The following MYRIP variants were observed in gnomAD, a reference collection of about 807,000 sequenced individuals.
The protein encoded by MYRIP is rab effector MyRIP.
A neutral mutation model predicts 98.0 loss-of-function variants in MYRIP; 49 were observed. That is an observed-to-expected ratio of 0.50 (90% confidence interval 0.40 to 0.63). The LOEUF is 0.63. Among genes scored for constraint, MYRIP ranks in the 30% least tolerant of loss-of-function variants. MYRIP has a pLI of 0.00. For missense variants in MYRIP, 1,004 were observed against 1,058.2 expected (o/e 0.95, Z 0.71); for synonymous variants, 404 against 409.5 (o/e 0.99, Z 0.16).
rs531556365 is a variant in MYRIP, at chr3:40,244,684, A to G, written c.2262+77A>G. ...CCCCATGTTCTACAAGAATCACTTT[A>G]AAGCCATTGTATCTATCAGCTCCCA... On this transcript the variant is annotated intron_variant, in intron 13 of 16. Transcript: ENST00000302541. 17 of 1,452,638 alleles carry G rather than the reference A, an allele frequency of 1.2e-5. No homozygotes were observed. The South Asian group carries it at 2.5e-4, about 21-fold the overall frequency. The allele number at this position is 1,452,638 out of a possible 1,614,324, so 90.0% of individuals were successfully genotyped here. A position where few individuals can be genotyped will look rare whatever the true frequency, so the allele number is the denominator to read the frequency against.
chr3:39,972,910 A>T (rs1351162537), intron 2 of MYRIP, among the ~76,000 whole-genome samples: 1 of 152,034 alleles, frequency 6.6e-6, no homozygotes, highest in Non-Finnish European at 1.5e-5. Flanking sequence ...CTGATGAGTA[A>T]TGTGACTCTT....
intron 1 of MYRIP, among the ~76,000 whole-genome samples, chr3:39,824,266 A>AT (rs1941201592): frequency 6.6e-6 from 1 of 152,032 alleles, no homozygotes; most frequent in Admixed American, 6.6e-5. Flanking sequence ...TTTGCAGTAT[A>AT]TTTTTAAGTC....
chr3:40,160,320 A>C (rs1950356444), intron 4 of MYRIP, among the ~76,000 whole-genome samples: 1 of 152,250 alleles, frequency 6.6e-6, no homozygotes, highest in Non-Finnish European at 1.5e-5. Context: ...ATCAGGGGTC[A>C]GGGACCCACT....
intron 2 of MYRIP, among the ~76,000 whole-genome samples, chr3:39,999,799 G>A (rs1216285826): frequency 2.6e-5 from 4 of 152,092 alleles, no homozygotes; most frequent in Non-Finnish European, 4.4e-5. Flanking sequence ...ATGATAGACT[G>A]GATTAAGAAA....
chr3:40,130,315 A>G (rs1949610011), intron 3 of MYRIP, among the ~76,000 whole-genome samples: 1 of 151,818 alleles, frequency 6.6e-6, no homozygotes, highest in African/African-American at 2.4e-5. Flanking sequence ...CAATATACCC[A>G]TTATTGGCTT....
intron 1 of MYRIP, among the ~76,000 whole-genome samples, chr3:39,814,013 T>C (rs1291286746): frequency 6.6e-6 from 1 of 152,252 alleles, no homozygotes; most frequent in Non-Finnish European, 1.5e-5. Flanking sequence ...CCACAGTTTA[T>C]ATATTGATAG....
intron 12 of MYRIP, 78 bp downstream of exon 12, chr3:40,234,131 A>C (rs1299428490): frequency 7.7e-6 from 11 of 1,429,720 alleles, no homozygotes; most frequent in Non-Finnish European, 9.4e-6. Flanking sequence ...CTTATCGTGA[A>C]GAGTGCAAGG....
At chr3:40,034,957 G>T (rs1269104769) in intron 2 of MYRIP, among the ~76,000 whole-genome samples, 1 of 151,214 alleles carries the variant, frequency 6.6e-6, no homozygotes, top group African/African-American at 2.4e-5. Context: ...ATCATTCTCA[G>T]TAAACTATCG....
At chr3:39,839,162 G>C (rs1941719498) in intron 1 of MYRIP, among the ~76,000 whole-genome samples, 1 of 151,614 alleles carries the variant, frequency 6.6e-6, no homozygotes, top group Non-Finnish European at 1.5e-5. Flanking sequence ...ATTTTTTGGA[G>C]GGTTTTTTTG....
chr3:39,965,592 G>A (rs2125737794), intron 2 of MYRIP, among the ~76,000 whole-genome samples: 2 of 152,296 alleles, frequency 1.3e-5, no homozygotes, highest in South Asian at 2.1e-4. Flanking sequence ...ATTGGCTTAT[G>A]TAATTTTGGG....
At chr3:39,992,258 A>C (rs1946197099) in intron 2 of MYRIP, among the ~76,000 whole-genome samples, 1 of 151,412 alleles carries the variant, frequency 6.6e-6, no homozygotes, top group Admixed American at 6.6e-5. Context: ...TCATCCCCGG[A>C]CTCTTTCCCC....
chr3:40,147,635 G>C (rs1950037164), intron 3 of MYRIP, among the ~76,000 whole-genome samples: 1 of 152,114 alleles, frequency 6.6e-6, no homozygotes, highest in African/African-American at 2.4e-5. Context: ...TACTCAGTTA[G>C]TTTACAAAAT....
At chr3:40,090,391 G>A (rs775847140) in intron 3 of MYRIP, among the ~76,000 whole-genome samples, 24 of 152,172 alleles carry the variant, frequency 1.6e-4, no homozygotes, top group Non-Finnish European at 2.6e-4. Context: ...GGGAAAAGAG[G>A]AAAGGAAGGG....
rs185696700 is a variant in MYRIP at position 40,033,266 on chromosome 3, G to C, written c.111-10784G>C. Among the ~76,000 whole-genome samples, 1,447 of 150,076 alleles carry C rather than the reference G, an allele frequency of 9.6e-3. 22 individuals carry two copies. Among genetic ancestry groups the C allele is most frequent in the Admixed American group, 0.027 (409 of 14,962 alleles). On this transcript the variant is annotated intron_variant, in intron 2 of 16. Coordinates refer to ENST00000302541, the MANE Select transcript of MYRIP (RefSeq NM_015460.4). ...AATAAAGGGTATTCAATTAGGAAAAGAGGAAGTCAAATTGTCCCTGTTTGC... is the reference window on the plus strand; with the variant it reads ...AATAAAGGGTATTCAATTAGGAAAACAGGAAGTCAAATTGTCCCTGTTTGC...
At chr3:40,104,414 C>T (rs1949014236) in intron 3 of MYRIP, among the ~76,000 whole-genome samples, 1 of 152,132 alleles carries the variant, frequency 6.6e-6, no homozygotes, top group South Asian at 2.1e-4. Context: ...ATCTTTGATA[C>T]CTAAACTTTT....
chr3:40,149,436 G>A (rs1163892484), intron 3 of MYRIP, among the ~76,000 whole-genome samples: 1 of 152,206 alleles, frequency 6.6e-6, no homozygotes, highest in Non-Finnish European at 1.5e-5. Context: ...CATGAGATTT[G>A]CAATTGGGAC....
At chr3:39,871,192 A>T (rs56770018) in intron 1 of MYRIP, among the ~76,000 whole-genome samples, 8 of 152,226 alleles carry the variant, frequency 5.3e-5, no homozygotes, top group African/African-American at 1.9e-4. Context: ...AAAACCCCCA[A>T]ATAGGAACAT....
intron 1 of MYRIP, among the ~76,000 whole-genome samples, chr3:39,892,539 A>C (rs992332753): frequency 5.3e-5 from 8 of 152,192 alleles, no homozygotes; most frequent in Non-Finnish European, 1.0e-4. Context: ...AGTTATGTAA[A>C]TTAAATTTAG....
intron 2 of MYRIP, among the ~76,000 whole-genome samples, chr3:40,027,554 C>T (rs1455941710): frequency 1.3e-5 from 2 of 152,256 alleles, no homozygotes; most frequent in East Asian, 3.9e-4. Flanking sequence ...GAGAAGCCCT[C>T]TCTTGCCACC....
Sources: gnomAD v4.1 joint callset for allele counts (sites outside exome capture counted in the v4.1 genomes callset) on GRCh38, gnomAD v4.1.1 for gene constraint, MANE v1.5 for transcripts, NCBI Gene and HGNC (gene_info 2026-07-23, HGNC 2026-07-21) for gene names.